CEP44: variants seen among roughly 807,000 people sequenced by gnomAD.
CEP44 encodes the protein centrosomal protein of 44 kDa.
A neutral mutation model predicts 46.7 loss-of-function variants in CEP44; 45 were observed. The observed-to-expected ratio is 0.96, with a 90% CI of 0.76 to 1.24. CEP44 has a LOEUF of 1.24. Among genes scored for constraint, CEP44 ranks in the 50% most tolerant of loss-of-function variants. CEP44 has a pLI of 0.00. For synonymous variants in CEP44, 142 were observed against 146.0 expected, an observed-to-expected ratio of 0.97 and a Z score of 0.20; for missense variants, 475 against 459.7, an observed-to-expected ratio of 1.03 and a Z score of -0.30.
At chr4:174,303,133 A>G (rs1037229140) in intron 4 of CEP44, among the ~76,000 whole-genome samples, 1 of 152,154 alleles carries the variant, frequency 6.6e-6, no homozygotes, top group Non-Finnish European at 1.5e-5. Context: ...GGGAGCTTTT[A>G]TATGTAGTCT....
chr4:174,330,428 G>T (rs1023386853), intron 8 of CEP44, among the ~76,000 whole-genome samples: 2 of 151,484 alleles, frequency 1.3e-5, no homozygotes, highest in Admixed American at 6.6e-5. Flanking sequence ...GGTGGAGGTT[G>T]CAGTGAGCCG....
At chr4:174,316,416 A>G in intron 10 of CEP44, 114 bp from the exon 11 acceptor site, 2 of 1,362,454 alleles carry the variant, frequency 1.5e-6, no homozygotes, top group Non-Finnish European at 1.0e-6. Flanking sequence ...ATTCTTTCAT[A>G]AGTAAACAGT....
intron 5 of CEP44, 126 bp downstream of exon 5, chr4:174,303,975 A>T: frequency 1.3e-6 from 1 of 745,946 alleles, no homozygotes; most frequent in Admixed American, 3.5e-5. Flanking sequence ...TTATTCAAAG[A>T]TTTGAGTAAC....
In CEP44 at chr4:174,299,253, G is replaced by A. The variant is rs772045617; in HGVS notation, c.89+43G>A. On this transcript the variant is annotated intron_variant, in intron 3 of 11. Transcript: ENST00000503780. ...ACTTAATTGTATTCTTCTTGCTAGT[G>A]ATTTGAGATGATATTTAACATGGGG... The A allele has an allele frequency of 9.4e-6, 14 of 1,483,262 alleles. No individual in the cohort carries two copies. The East Asian group carries it at 1.4e-4, about 15-fold the overall frequency. 91.9% of individuals were successfully genotyped at this position (1,483,262 alleles called of 1,614,324 possible).
At chr4:174,300,408 T>C (rs545308546) in intron 3 of CEP44, among the ~76,000 whole-genome samples, 1 of 152,126 alleles carries the variant, frequency 6.6e-6, no homozygotes, top group Non-Finnish European at 1.5e-5. Flanking sequence ...ATCCAGAACT[T>C]GCAGGGGTTT....
At chr4:174,293,548 T>G (rs1203957704) in intron 1 of CEP44, among the ~76,000 whole-genome samples, 3 of 152,234 alleles carry the variant, frequency 2.0e-5, no homozygotes, top group Non-Finnish European at 4.4e-5. Flanking sequence ...TATAAGTGTT[T>G]TTTGTGCTAT....
downstream of CEP44, among the ~76,000 whole-genome samples, chr4:174,324,577 G>A (rs763877629): frequency 6.6e-6 from 1 of 152,168 alleles, no homozygotes; most frequent in Non-Finnish European, 1.5e-5. Context: ...TCTAGTGGAC[G>A]TGTGTGGTGT....
At chr4:174,307,500 A>G (rs1740554563) in intron 6 of CEP44, among the ~76,000 whole-genome samples, 1 of 152,228 alleles carries the variant, frequency 6.6e-6, no homozygotes, top group Admixed American at 6.5e-5. Flanking sequence ...ACCCAAAACT[A>G]TAAAAACCCT....
In CEP44 at chr4:174,331,259, A is replaced by G. The variant is rs2126709350; in HGVS notation, c.1087-223A>G. On this transcript the variant is annotated intron_variant, in intron 8 of 8. Transcript: ENST00000426172. The surrounding 1 kb of genome is among the most constrained non-coding windows in gnomAD (Gnocchi z 4.5). ...AATGAGAAAAAAAAAAAAACTCTGA[A>G]CATTTAGCTGTTTATTCTGGTATCT... Among the ~76,000 whole-genome samples the G allele has an allele frequency of 6.6e-6, 1 of 152,102 alleles. No individual in the cohort carries two copies. The highest frequency in any genetic ancestry group is 2.4e-5 in the African/African-American group (1 of 41,534).
At position 174,301,165 on chromosome 4, in the gene CEP44, CT is replaced by C. The variant is rs1739661596; in HGVS notation, c.90-872del. Among the ~76,000 whole-genome samples the C allele has an allele frequency of 6.6e-6, 1 of 152,118 alleles. No individual in the cohort carries two copies. Among genetic ancestry groups the C allele is most frequent in the Non-Finnish European group, 1.5e-5 (1 of 68,004 alleles). On this transcript the variant is annotated intron_variant, in intron 3 of 11. Transcript: ENST00000503780. The surrounding 1 kb of genome is among the most constrained non-coding windows in gnomAD (Gnocchi z 4.3). ...GAGATGGGGATGTTTATGTGAACAT[CT>C]TGAATTTTTTGGAAAACATTTGCTT...
At chr4:174,298,181 T>TTC (rs1333659665) in intron 2 of CEP44, 119 bp downstream of exon 2, 1 of 139,532 alleles carries the variant, frequency 7.2e-6, no homozygotes, top group East Asian at 2.0e-4. Flanking sequence ...TTTTTTTTTT[T>TTC]TTTTTTTTTT....
chr4:174,317,536 T>C lies in CEP44; in HGVS notation c.*153T>C. The C allele has an allele frequency of 8.4e-7, 1 of 1,188,414 alleles. No individual in the cohort carries two copies. The highest frequency in any genetic ancestry group is 4.0e-5 in the South Asian group (1 of 25,046). 73.6% of individuals were successfully genotyped at this position (1,188,414 alleles called of 1,614,324 possible). On this transcript the variant is annotated 3_prime_UTR_variant, in exon 12 of 12. Transcript: ENST00000503780. ...ATGAATTTTTGCATTCATTATTGAA[T>C]AACTCTTTTAATATTTTTGAGCAAT...
Position 174,308,877 on chromosome 4 carries a change from T to C in CEP44, c.678+18T>C. 6.2e-7 allele frequency: 1 copy of C among 1,604,806 alleles called. No individual in the cohort carries two copies. The highest frequency in any genetic ancestry group is 1.3e-5 in the African/African-American group (1 of 74,502). ...AGCAACAGGTAACAACTTTGGACTTTTTAAATAGATGCCAGTATTTTTTAC... is the reference window on the plus strand; with the variant it reads ...AGCAACAGGTAACAACTTTGGACTTCTTAAATAGATGCCAGTATTTTTTAC... On this transcript the variant is annotated intron_variant, in intron 7 of 11. Transcript: ENST00000503780.
chr4:174,299,379 T>C (rs1016143594), intron 3 of CEP44, among the ~76,000 whole-genome samples, 169 bp downstream of exon 3: 3 of 152,220 alleles, frequency 2.0e-5, no homozygotes, highest in Non-Finnish European at 2.9e-5. Flanking sequence ...AGTTTATTTC[T>C]AAGTATGAAC....
Position 174,312,312 on chromosome 4 carries a change from T to TA in CEP44, c.961+1455dup, listed in dbSNP as rs1277976536. Among the ~76,000 whole-genome samples, 3 of 151,948 alleles carry TA rather than the reference T, an allele frequency of 2.0e-5. No individual in the cohort carries two copies. Among genetic ancestry groups the TA allele is most frequent in the Admixed American group, 6.6e-5 (1 of 15,250 alleles). On this transcript the variant is annotated intron_variant, in intron 9 of 11. Coordinates refer to ENST00000503780, the MANE Select transcript of CEP44 (RefSeq NM_001040157.3). This position sits in a 1 kb window ranked among gnomAD's most constrained non-coding sequence, Gnocchi z 4.5. Reference sequence around the variant, plus strand: ...AATTTTTTTGAGATAAGTGTGGTCTTACTCTGCTGCTCAGGCTGGAGTGCA... The same window carrying TA: ...AATTTTTTTGAGATAAGTGTGGTCTTAACTCTGCTGCTCAGGCTGGAGTGCA...
In CEP44 at chr4:174,326,437, C is replaced by T. The variant is rs898272852; in HGVS notation, c.1087-5045C>T. On this transcript the variant is annotated intron_variant, in intron 8 of 8. Transcript: ENST00000426172. The surrounding 1 kb of genome is among the most constrained non-coding windows in gnomAD (Gnocchi z 4.8). ...ATATACTTTTCATTCTTTCTGCGCC[C>T]GCCAAGCCTTTTTTTGTCAAACATT... Among the ~76,000 whole-genome samples, 1 of 151,894 alleles carries T rather than the reference C, an allele frequency of 6.6e-6. No homozygotes were observed. The highest frequency in any genetic ancestry group is 2.4e-5 in the African/African-American group (1 of 41,380).
At chr4:174,322,787 A>G (rs567603246), downstream of CEP44, among the ~76,000 whole-genome samples, 7 of 152,294 alleles carry the variant, frequency 4.6e-5, no homozygotes, top group Admixed American at 3.9e-4. Context: ...AATATCTGAA[A>G]TTAATTTCAT....
At chr4:174,305,077 C>G (rs1740226023) in intron 6 of CEP44, among the ~76,000 whole-genome samples, 1 of 152,184 alleles carries the variant, frequency 6.6e-6, no homozygotes, top group African/African-American at 2.4e-5. Flanking sequence ...GATGTGAATA[C>G]TTTCTGACTG....
chr4:174,308,772 T>C lies in CEP44; in HGVS notation c.591T>C (p.Val197=), dbSNP rs761581759. The C allele has an allele frequency of 5.6e-6, 9 of 1,613,234 alleles. No homozygotes were observed. The highest frequency in any genetic ancestry group is 6.8e-6 in the Non-Finnish European group (8 of 1,179,464). The change falls in exon 7 of 12, where the codon GTT becomes GTC. Residue 197 remains valine, a synonymous_variant. Transcript: ENST00000503780. ...ATACATTAAGTCCAATAACAGATGT[T>C]AATGAAGCAGTTGATGTGTCTGACT... ...SEDTLSPITD[V]NEAVDVSDLN...
Sources: allele counts gnomAD v4.1 joint callset (sites outside exome capture counted in the v4.1 genomes callset), GRCh38; gene constraint gnomAD v4.1.1; non-coding constraint Gnocchi (gnomAD v3.1); transcripts MANE v1.5; gene names NCBI Gene and HGNC (gene_info 2026-07-23, HGNC 2026-07-21).